The following NEK7 variants were observed in gnomAD, a reference collection of about 807,000 sequenced individuals.
The protein encoded by NEK7 is serine/threonine-protein kinase Nek7.
A neutral mutation model predicts 44.6 loss-of-function variants in NEK7; 18 were observed. The ratio of observed to expected loss-of-function variants is 0.40; its 90% CI spans 0.28 to 0.60. The LOEUF (loss-of-function observed/expected upper bound fraction) is 0.60. Ranked by LOEUF, NEK7 falls within the 20% of genes least tolerant of loss-of-function variation. The probability of loss-of-function intolerance (pLI) is 0.38; values close to 1 mark genes in which losing one functional copy is unlikely to be tolerated. For synonymous variants in NEK7, 130 were observed against 121.1 expected (o/e 1.07, Z -0.48); for missense variants, 256 against 366.5 (o/e 0.70, Z 2.46).
chr1:198,305,492 GA>G (rs926893387), intron 9 of NEK7, among the ~76,000 whole-genome samples: 14 of 148,276 alleles, frequency 9.4e-5, no homozygotes, highest in East Asian at 5.8e-4. Context: ...TTGATATCTG[GA>G]AAAAAAAAAC....
chr1:198,256,092 G>T (rs1653254697), intron 3 of NEK7, among the ~76,000 whole-genome samples: 1 of 151,936 alleles, frequency 6.6e-6, no homozygotes, highest in Non-Finnish European at 1.5e-5. Context: ...TATATTACTT[G>T]TCTCAAGAAC....
At chr1:198,232,450 A>AT (rs1666422593) in intron 1 of NEK7, 103 bp from the exon 2 acceptor site, 2 of 587,586 alleles carry the variant, frequency 3.4e-6, no homozygotes, top group Non-Finnish European at 6.2e-6. Flanking sequence ...TTTTTGAAGC[A>AT]TCAAGTAAAT....
chr1:198,242,041 T>C (rs540314254), intron 2 of NEK7, among the ~76,000 whole-genome samples: 1 of 152,348 alleles, frequency 6.6e-6, no homozygotes, highest in African/African-American at 2.4e-5. Flanking sequence ...TTCATCTGTG[T>C]GCTTCAGCCA....
At chr1:198,197,133 G>T (rs187757815) in intron 1 of NEK7, among the ~76,000 whole-genome samples, 1 of 152,158 alleles carries the variant, frequency 6.6e-6, no homozygotes, top group Non-Finnish European at 1.5e-5. Context: ...GTATATAAAT[G>T]GTATCTACTT....
At chr1:198,296,284 C>A (rs764730367) in intron 8 of NEK7, among the ~76,000 whole-genome samples, 3 of 152,188 alleles carry the variant, frequency 2.0e-5, no homozygotes, top group Non-Finnish European at 4.4e-5. Context: ...TGTATTCTTG[C>A]TGCTGTGGTT....
At chr1:198,302,385 G>A (rs1278653099) in intron 9 of NEK7, among the ~76,000 whole-genome samples, 1 of 149,592 alleles carries the variant, frequency 6.7e-6, no homozygotes, top group Non-Finnish European at 1.5e-5. Flanking sequence ...TAGAGAAATG[G>A]AAGGCAGGAG....
chr1:198,269,103 A>G (rs1452838947), intron 5 of NEK7, among the ~76,000 whole-genome samples: 1 of 152,036 alleles, frequency 6.6e-6, no homozygotes, highest in Non-Finnish European at 1.5e-5. Flanking sequence ...TGTATTTCCC[A>G]TTAGACTTAA....
At chr1:198,316,058 G>C (rs1248932900) in intron 9 of NEK7, among the ~76,000 whole-genome samples, 1 of 152,170 alleles carries the variant, frequency 6.6e-6, no homozygotes, top group Non-Finnish European at 1.5e-5. Flanking sequence ...TTTTTCAAAG[G>C]AAGATAAACC....
intron 1 of NEK7, among the ~76,000 whole-genome samples, chr1:198,206,230 CTT>C (rs1424039473): frequency 6.6e-6 from 1 of 152,006 alleles, no homozygotes; most frequent in South Asian, 2.1e-4. Context: ...AGGTAACAGA[CTT>C]TGAATTAAGT....
chr1:198,229,376 C>A (rs1353373863), intron 1 of NEK7, among the ~76,000 whole-genome samples: 2 of 152,102 alleles, frequency 1.3e-5, no homozygotes, highest in African/African-American at 4.8e-5. Flanking sequence ...ACGTATTTCC[C>A]CTCCTGAGGT....
At chr1:198,167,051 C>T (rs1664288963) in intron 1 of NEK7, among the ~76,000 whole-genome samples, 1 of 152,180 alleles carries the variant, frequency 6.6e-6, no homozygotes, top group Non-Finnish European at 1.5e-5. Context: ...AGTCAGAAGT[C>T]AGGGTGTTGA....
chr1:198,215,838 G>A (rs1191029262), intron 1 of NEK7, among the ~76,000 whole-genome samples: 1 of 151,884 alleles, frequency 6.6e-6, no homozygotes, highest in Non-Finnish European at 1.5e-5. Context: ...ATGACAGAAG[G>A]GATCAATTCA....
At chr1:198,275,507 T>A (rs1653989427) in intron 5 of NEK7, among the ~76,000 whole-genome samples, 1 of 151,368 alleles carries the variant, frequency 6.6e-6, no homozygotes, top group African/African-American at 2.4e-5. Flanking sequence ...GATTTTTTTT[T>A]TTTTAATCAG....
chr1:198,162,138 C>T (rs1664124534), intron 1 of NEK7, among the ~76,000 whole-genome samples: 1 of 152,106 alleles, frequency 6.6e-6, no homozygotes, highest in Non-Finnish European at 1.5e-5. Context: ...TGTAGACTTA[C>T]CTGGGTGTAG....
chr1:198,251,755 T>C (rs983975151), intron 2 of NEK7, among the ~76,000 whole-genome samples: 1 of 152,014 alleles, frequency 6.6e-6, no homozygotes. Flanking sequence ...GTCTATTTGA[T>C]TCTTCTCTCT....
At chr1:198,262,487 A>T in intron 3 of NEK7, 88 bp from the exon 4 acceptor site, 1 of 796,660 alleles carries the variant, frequency 1.3e-6, no homozygotes. Flanking sequence ...TGTACAAATA[A>T]TTACATGTAG....
chr1:198,256,453 A>G (rs762961460), intron 3 of NEK7: 1 of 1,606,108 alleles, frequency 6.2e-7, no homozygotes. Context: ...TTGAAAATTT[A>G]CCTGTATCCC....
intron 7 of NEK7, among the ~76,000 whole-genome samples, chr1:198,283,876 G>T (rs1256485566): frequency 6.6e-6 from 1 of 152,012 alleles, no homozygotes; most frequent in African/African-American, 2.4e-5. Context: ...CTCGTTAATG[G>T]GTTGTATGAC....
At chr1:198,241,486 T>A (rs1051048392) in intron 2 of NEK7, among the ~76,000 whole-genome samples, 3 of 152,194 alleles carry the variant, frequency 2.0e-5, no homozygotes, top group Non-Finnish European at 4.4e-5. Context: ...AATTTAATTT[T>A]AGAACCAATA....
Sources: gnomAD v4.1 joint callset for allele counts (sites outside exome capture counted in the v4.1 genomes callset) on GRCh38, gnomAD v4.1.1 for gene constraint, MANE v1.5 for transcripts, NCBI Gene and HGNC (gene_info 2026-07-23, HGNC 2026-07-21) for gene names.